DPP6: variants seen among roughly 807,000 people sequenced by gnomAD.
The protein encoded by DPP6 is A-type potassium channel modulatory protein DPP6.
Under a neutral mutation model 122.6 loss-of-function variants are expected in DPP6, and 69 were observed. The ratio of observed to expected loss-of-function variants is 0.56; its 90% CI spans 0.46 to 0.69. The LOEUF (loss-of-function observed/expected upper bound fraction) is 0.69. DPP6 is among the 30% of genes least tolerant of loss of function. The pLI is 0.00. For synonymous variants in DPP6, 418 were observed against 433.1 expected, an observed-to-expected ratio of 0.97 and a Z score of 0.43; for missense variants, 928 against 1,116.9, an observed-to-expected ratio of 0.83 and a Z score of 2.41.
At chr7:154,128,476 A>C (rs1585436112) in intron 1 of DPP6, among the ~76,000 whole-genome samples, 1 of 152,150 alleles carries the variant, frequency 6.6e-6, no homozygotes, top group African/African-American at 2.4e-5. Context: ...ATCTCAGCTC[A>C]CTGCAAGCTC....
the DPP6 span, among the ~76,000 whole-genome samples, chr7:153,841,638 T>C: frequency 6.6e-6 from 1 of 152,230 alleles, no homozygotes; most frequent in African/African-American, 2.4e-5. Flanking sequence ...TAAAATCTTT[T>C]CACATTTCAC....
At chr7:154,453,866 C>G (rs370077729) in intron 2 of DPP6, among the ~76,000 whole-genome samples, 4 of 152,122 alleles carry the variant, frequency 2.6e-5, no homozygotes, top group South Asian at 4.1e-4. Context: ...TTAGATTGTA[C>G]TGCTACCCAA....
chr7:154,157,865 A>G, intron 1 of DPP6, among the ~76,000 whole-genome samples: 1 of 151,876 alleles, frequency 6.6e-6, no homozygotes. Flanking sequence ...CCCGGGAGGC[A>G]GAGGTTGCGG....
At chr7:154,243,156 TTCTAATTTAAAAAGAGATTA>T (rs1801751508) in intron 1 of DPP6, among the ~76,000 whole-genome samples, 1 of 152,204 alleles carries the variant, frequency 6.6e-6, no homozygotes, top group Non-Finnish European at 1.5e-5. Flanking sequence ...CTCAGAGCAC[TTCTAATTTAAAAAGAGATTA>T]TCTAGAATCA....
chr7:154,884,045 C>T (rs968346621), intron 21 of DPP6: 3 of 151,030 alleles, frequency 2.0e-5, no homozygotes, highest in African/African-American at 7.3e-5. Flanking sequence ...CACACCTGCT[C>T]ACACATACCC....
intron 10 of DPP6, among the ~76,000 whole-genome samples, chr7:154,783,682 C>G (rs542239746): frequency 6.6e-6 from 1 of 152,196 alleles, no homozygotes; most frequent in South Asian, 2.1e-4. Flanking sequence ...TTTGTCCCCT[C>G]GAGAGACAGT....
At chr7:153,756,093 T>G in the DPP6 span, among the ~76,000 whole-genome samples, 1 of 152,086 alleles carries the variant, frequency 6.6e-6, no homozygotes, top group Admixed American at 6.6e-5. Flanking sequence ...AACTCATGGT[T>G]GCAGGTACCA....
At chr7:153,798,830 A>G in the DPP6 span, among the ~76,000 whole-genome samples, 1 of 152,222 alleles carries the variant, frequency 6.6e-6, no homozygotes, top group African/African-American at 2.4e-5. Flanking sequence ...GGAAGACAAC[A>G]GATCTTCAGG....
chr7:153,797,494 A>T, the DPP6 span, among the ~76,000 whole-genome samples: 160 of 152,284 alleles, frequency 1.1e-3, 1 homozygote, highest in Non-Finnish European at 1.6e-4. Flanking sequence ...TTCATAATAT[A>T]CTGTAGGAGG....
chr7:154,194,347 A>G (rs972695822), intron 1 of DPP6, among the ~76,000 whole-genome samples: 9 of 152,258 alleles, frequency 5.9e-5, no homozygotes, highest in Non-Finnish European at 1.3e-4. Flanking sequence ...AATGAATCAG[A>G]TGCATATTTT....
intron 12 of DPP6, among the ~76,000 whole-genome samples, chr7:154,800,884 T>G (rs1798319307): frequency 6.6e-6 from 1 of 152,230 alleles, no homozygotes; most frequent in African/African-American, 2.4e-5. Context: ...AGATTTTGCT[T>G]TTAGGCAAAA....
intron 25 of DPP6, among the ~76,000 whole-genome samples, chr7:154,891,566 G>A (rs1348936457): frequency 1.3e-5 from 2 of 152,160 alleles, no homozygotes; most frequent in African/African-American, 2.4e-5. Context: ...GGGCCCGTGG[G>A]CACCCAGGAC....
chr7:154,292,561 T>C lies in DPP6; in HGVS notation c.244-153653T>C, dbSNP rs572635864. Reference sequence around the variant, plus strand: ...GTTTGGTATATTATACAAATAAATATGTCGAAAATGGGAAGTTAACAACTG... The same window carrying C: ...GTTTGGTATATTATACAAATAAATACGTCGAAAATGGGAAGTTAACAACTG... On this transcript the variant is annotated intron_variant, in intron 1 of 25. Coordinates refer to ENST00000377770, the MANE Select transcript of DPP6 (RefSeq NM_130797.4). Among the ~76,000 whole-genome samples the C allele has an allele frequency of 3.3e-5, 5 of 152,216 alleles. No individual in the cohort carries two copies. In the South Asian group the frequency reaches 6.2e-4, roughly 19 times the overall value.
chr7:153,812,983 C>T, the DPP6 span, among the ~76,000 whole-genome samples: 4 of 151,986 alleles, frequency 2.6e-5, no homozygotes, highest in East Asian at 5.8e-4. Context: ...GTATAAAACG[C>T]TGGAATCCTG....
intron 1 of DPP6, among the ~76,000 whole-genome samples, chr7:154,368,889 A>AT (rs889567140): frequency 6.6e-6 from 1 of 152,112 alleles, no homozygotes; most frequent in Non-Finnish European, 1.5e-5. Flanking sequence ...GGCAAGCTGC[A>AT]TTTTTTTCCT....
chr7:154,515,557 C>T (rs994902903), intron 3 of DPP6, among the ~76,000 whole-genome samples: 1 of 152,000 alleles, frequency 6.6e-6, no homozygotes, highest in Non-Finnish European at 1.5e-5. Flanking sequence ...CTCACTGCAA[C>T]CTCTGTCTCC....
chr7:154,079,176 C>G (rs1479218792), intron 1 of DPP6, among the ~76,000 whole-genome samples: 1 of 152,120 alleles, frequency 6.6e-6, no homozygotes, highest in African/African-American at 2.4e-5. Context: ...TCCTGGGGGA[C>G]AGAGCTAGAC....
chr7:154,215,029 G>A (rs1358461928), intron 1 of DPP6, among the ~76,000 whole-genome samples: 1 of 152,180 alleles, frequency 6.6e-6, no homozygotes, highest in Admixed American at 6.5e-5. Context: ...CACTTAAAGA[G>A]AGATGGGGTG....
chr7:153,791,611 G>A, the DPP6 span, among the ~76,000 whole-genome samples: 100 of 151,850 alleles, frequency 6.6e-4, no homozygotes, highest in Non-Finnish European at 1.0e-3. Flanking sequence ...GTAGAGACCC[G>A]GTTTCACCAT....
Sources: allele counts gnomAD v4.1 joint callset (sites outside exome capture counted in the v4.1 genomes callset), GRCh38; gene constraint gnomAD v4.1.1; transcripts MANE v1.5; gene names NCBI Gene and HGNC (gene_info 2026-07-23, HGNC 2026-07-21).